The following PAX3 variants were observed in gnomAD, a reference collection of about 807,000 sequenced individuals.
PAX3 encodes paired box 3, also known as paired box protein Pax-3.
A neutral mutation model predicts 51.6 loss-of-function variants in PAX3; 14 were observed. The ratio of observed to expected loss-of-function variants is 0.27; its 90% CI spans 0.18 to 0.42. PAX3 has a LOEUF of 0.42. Among genes scored for constraint, PAX3 ranks in the 10% least tolerant of loss-of-function variants. The pLI is 1.00. For missense variants in PAX3, 540 were observed against 642.8 expected, an observed-to-expected ratio of 0.84 and a Z score of 1.73; for synonymous variants, 280 against 253.4, an observed-to-expected ratio of 1.11 and a Z score of -1.00.
intron 4 of PAX3, among the ~76,000 whole-genome samples, chr2:222,247,748 T>C (rs998710393): frequency 6.6e-6 from 1 of 152,108 alleles, no homozygotes; most frequent in African/African-American, 2.4e-5. Flanking sequence ...TGAAAATTAG[T>C]GGAATGAGGT....
intron 4 of PAX3, among the ~76,000 whole-genome samples, chr2:222,255,459 T>C (rs1693603066): frequency 6.6e-6 from 1 of 152,222 alleles, no homozygotes; most frequent in South Asian, 2.1e-4. Context: ...CACCTCAGTC[T>C]GCAACATCAA....
intron 4 of PAX3, among the ~76,000 whole-genome samples, chr2:222,240,805 C>A (rs1422163229): frequency 6.6e-6 from 1 of 152,178 alleles, no homozygotes. Flanking sequence ...CCTTTTACAA[C>A]ACGAATGACA....
Position 222,200,935 on chromosome 2 carries a change from T to C in PAX3, c.*473A>G, listed in dbSNP as rs1691262074. On this transcript the variant is annotated 3_prime_UTR_variant, in exon 9 of 9. Transcript: ENST00000392070. ...CATGAAATGAGCAGTTTTAAAGTTG[T>C]AGAAGTATCAGCATCGAACATCGAC... 8 of 567,212 alleles carry C rather than the reference T, an allele frequency of 1.4e-5. No individual in the cohort carries two copies. Among genetic ancestry groups the C allele is most frequent in the Non-Finnish European group, 2.2e-5 (7 of 317,480 alleles). The allele number at this position is 567,212 out of a possible 1,614,324, so 35.1% of individuals were successfully genotyped here. A position where few individuals can be genotyped will look rare whatever the true frequency, so the allele number is the denominator to read the frequency against.
intron 4 of PAX3, chr2:222,262,951 C>T (rs1413464257): frequency 6.6e-6 from 1 of 151,840 alleles, no homozygotes; most frequent in Non-Finnish European, 1.5e-5. Context: ...ATAAACCTTG[C>T]CCTAAACCTA....
intron 4 of PAX3, chr2:222,293,842 T>A: frequency 6.2e-7 from 1 of 1,613,262 alleles, no homozygotes; most frequent in Non-Finnish European, 8.5e-7. Flanking sequence ...ATGCCCAGTC[T>A]CATACATTTA....
chr2:222,295,931 A>G (rs45437593), intron 2 of PAX3, among the ~76,000 whole-genome samples: 4 of 152,010 alleles, frequency 2.6e-5, no homozygotes, highest in Admixed American at 6.6e-5. Context: ...TAACATCTTG[A>G]TGGGGGTAGG....
At chr2:222,208,225 T>C (rs1425205164) in intron 7 of PAX3, among the ~76,000 whole-genome samples, 1 of 152,166 alleles carries the variant, frequency 6.6e-6, no homozygotes, top group Admixed American at 6.6e-5. Flanking sequence ...GCATTTAATA[T>C]GCTTTGTGAC....
At chr2:222,296,907 C>G in intron 2 of PAX3, 71 bp downstream of exon 2, 2 of 1,309,166 alleles carry the variant, frequency 1.5e-6, no homozygotes, top group Non-Finnish European at 2.2e-6. Context: ...CAGCCGTTAC[C>G]CCCCGCCCGG....
At chr2:222,295,775 C>G in intron 2 of PAX3, 118 bp from the exon 3 acceptor site, 1 of 1,200,246 alleles carries the variant, frequency 8.3e-7, no homozygotes, top group Non-Finnish European at 1.2e-6. Context: ...GACGGTCCCC[C>G]TTTGTGAGCA....
chr2:222,211,406 C>T (rs1448110801), intron 7 of PAX3, among the ~76,000 whole-genome samples: 3 of 152,126 alleles, frequency 2.0e-5, no homozygotes, highest in Admixed American at 2.0e-4. Flanking sequence ...TGAGTTATAC[C>T]CACACTGCAA....
Position 222,201,316 on chromosome 2 carries a change from G to T in PAX3, c.*92C>A. On this transcript the variant is annotated 3_prime_UTR_variant, in exon 9 of 9. Transcript: ENST00000392070. ...CTGCCCCACCCCCCCCAACAAAAGGGTAATTTTTTTTTGTTTTCAGAGCAG... is the reference window on the plus strand; with the variant it reads ...CTGCCCCACCCCCCCCAACAAAAGGTTAATTTTTTTTTGTTTTCAGAGCAG... The T allele has an allele frequency of 2.5e-6, 4 of 1,612,610 alleles. No individual in the cohort carries two copies. The highest frequency in any genetic ancestry group is 4.5e-5 in the East Asian group (2 of 44,682).
intron 4 of PAX3, among the ~76,000 whole-genome samples, chr2:222,287,075 G>T (rs1160748996): frequency 6.6e-6 from 1 of 152,208 alleles, no homozygotes; most frequent in Non-Finnish European, 1.5e-5. Flanking sequence ...GAGGTGTTCT[G>T]CTTCCAGTAA....
Position 222,220,186 on chromosome 2 carries a change from G to A in PAX3, c.1127C>T (p.Pro376Leu), listed in dbSNP as rs1692132493. 1 of 1,613,870 alleles carries A rather than the reference G, an allele frequency of 6.2e-7. No individual in the cohort carries two copies. Among genetic ancestry groups the A allele is most frequent in the Non-Finnish European group, 8.5e-7 (1 of 1,179,950 alleles). Reference protein sequence around the residue: ...YTDSFVPPSGPSNPMNPTIGN... With the variant: ...YTDSFVPPSGLSNPMNPTIGN... ...AATGGTGGGGTTCATGGGGTTGGAG[G>A]GCCCCGACGGAGGCACAAAGCTGTC... Residue 376 changes from proline (P) to leucine (L), a missense_variant, in exon 7 of 9, where the codon CCC (proline) becomes CTC (leucine). Physicochemically the swap from Pro to Leu is moderately conservative, Grantham distance 98. Transcript: ENST00000392070.
At chr2:222,272,701 G>A (rs936594445) in intron 4 of PAX3, among the ~76,000 whole-genome samples, 1 of 152,184 alleles carries the variant, frequency 6.6e-6, no homozygotes, top group Admixed American at 6.5e-5. Context: ...TTTACACAAA[G>A]TCCTTCTCAG....
intron 4 of PAX3, among the ~76,000 whole-genome samples, chr2:222,277,341 G>A (rs1202572838): frequency 6.6e-6 from 1 of 152,208 alleles, no homozygotes; most frequent in Non-Finnish European, 1.5e-5. Context: ...GAGATCCTCA[G>A]AAACAAATCA....
rs546468709 is a variant in PAX3 at position 222,209,696 on chromosome 2, C to CAAAAAAAAAAA, written c.1174-7517_1174-7507dup. Among the ~76,000 whole-genome samples, 8 of 61,372 alleles carry CAAAAAAAAAAA rather than the reference C, an allele frequency of 1.3e-4. 1 individual carries two copies. Among genetic ancestry groups the CAAAAAAAAAAA allele is most frequent in the African/African-American group, 3.9e-4 (6 of 15,232 alleles). 40.3% of individuals were successfully genotyped at this position (61,372 alleles called of 152,430 possible). ...TCAATACAGCAAAACTCTGTCTCTA[C>CAAAAAAAAAAA]AAAAAAAAAAAAAAAAAAAAAAAAA... On this transcript the variant is annotated intron_variant, in intron 7 of 8. Coordinates refer to ENST00000392070, the MANE Select transcript of PAX3 (RefSeq NM_181458.4).
chr2:222,294,335 G>A, intron 3 of PAX3, 34 bp from the exon 4 acceptor site: 1 of 1,612,270 alleles, frequency 6.2e-7, no homozygotes, highest in Non-Finnish European at 8.5e-7. Context: ...GCAAGGGAGC[G>A]CACATGGTTG....
At position 222,263,319 on chromosome 2, in the gene PAX3, C is replaced by T. The variant is rs1693932524; in HGVS notation, c.586+30848G>A. 3.3e-5 allele frequency: 5 copies of T among 152,078 alleles called. No homozygotes were observed. In the South Asian group the frequency reaches 1.0e-3, roughly 31 times the overall value. The allele number at this position is 152,078 out of a possible 1,614,324, so 9.4% of individuals were successfully genotyped here. A position where few individuals can be genotyped will look rare whatever the true frequency, so the allele number is the denominator to read the frequency against. ...AAAATGAGCAAAAGAGTTGAATAGA[C>T]ATTTCACCAAAGAGGATATATGGTT... On this transcript the variant is annotated intron_variant, in intron 4 of 8. Coordinates refer to ENST00000392070, the MANE Select transcript of PAX3 (RefSeq NM_181458.4).
At chr2:222,277,750 A>G (rs930652640) in intron 4 of PAX3, among the ~76,000 whole-genome samples, 3 of 152,070 alleles carry the variant, frequency 2.0e-5, no homozygotes, top group East Asian at 1.9e-4. Context: ...CCTGGCCAAC[A>G]TGGTGAAACC....
Sources: gnomAD v4.1 joint callset for allele counts (sites outside exome capture counted in the v4.1 genomes callset) on GRCh38, gnomAD v4.1.1 for gene constraint, MANE v1.5 for transcripts, NCBI Gene and HGNC (gene_info 2026-07-23, HGNC 2026-07-21) for gene names.